The following ZNF791 variants were observed in gnomAD, a reference collection of about 807,000 sequenced individuals.
ZNF791 encodes zinc finger protein 791.
A neutral mutation model predicts 11.5 loss-of-function variants in ZNF791; 4 were observed. The observed-to-expected ratio is 0.35, with a 90% CI of 0.17 to 0.80. The LOEUF (loss-of-function observed/expected upper bound fraction) is 0.80, where lower values mean the gene tolerates loss of function less well. ZNF791 is among the 30% of genes least tolerant of loss of function. The probability of loss-of-function intolerance (pLI) is 0.53; values close to 1 mark genes in which losing one functional copy is unlikely to be tolerated. For missense variants in ZNF791, 559 were observed against 699.4 expected (o/e 0.80, Z 2.26); for synonymous variants, 212 against 228.1 (o/e 0.93, Z 0.64).
Position 12,629,070 on chromosome 19 carries a change from A to G in ZNF791, c.1541A>G (p.His514Arg). ...ATTTATCCCACAAGCTTTCAAGGACACATGAGAATGCATACTGGAGAGAAA... is the reference window on the plus strand; with the variant it reads ...ATTTATCCCACAAGCTTTCAAGGACGCATGAGAATGCATACTGGAGAGAAA... ...AFIYPTSFQG[H>R]MRMHTGEKPY... Residue 514 changes from histidine to arginine, a missense_variant, in exon 4 of 4, where the codon CAC (histidine) becomes CGC (arginine). His to Arg is a conservative substitution (Grantham distance 29). Transcript: ENST00000343325. 1 of 1,610,680 alleles carries G rather than the reference A, an allele frequency of 6.2e-7. No homozygotes were observed. The highest frequency in any genetic ancestry group is 8.5e-7 in the Non-Finnish European group (1 of 1,178,630).
At chr19:12,619,124 C>T (rs997707945) in intron 1 of ZNF791, among the ~76,000 whole-genome samples, 2 of 152,050 alleles carry the variant, frequency 1.3e-5, no homozygotes, top group South Asian at 2.1e-4. Flanking sequence ...GGATTACAGG[C>T]GTGAGCCACC....
intron 1 of ZNF791, among the ~76,000 whole-genome samples, chr19:12,618,932 C>A (rs1469928815): frequency 2.0e-5 from 3 of 151,210 alleles, no homozygotes; most frequent in Admixed American, 6.6e-5. Flanking sequence ...ACTGCAACCT[C>A]CGCCTCCTGG....
At chr19:12,612,862 G>C (rs983261883) in intron 1 of ZNF791, among the ~76,000 whole-genome samples, 9 of 148,602 alleles carry the variant, frequency 6.1e-5, no homozygotes, top group African/African-American at 2.2e-4. Flanking sequence ...GCCCAGGCTG[G>C]AGTGCAGTGG....
chr19:12,623,902 C>A lies in ZNF791; in HGVS notation c.130+76C>A, dbSNP rs1345742423. On this transcript the variant is annotated intron_variant, in intron 2 of 3. Transcript: ENST00000343325. ...GGACAGAGTTTCACTATTGTCCAGG[C>A]TGGAGAGCAATGGCACAATCTCAGC... The A allele has an allele frequency of 3.3e-6, 4 of 1,207,226 alleles. No individual in the cohort carries two copies. The East Asian group carries it at 1.0e-4, about 31-fold the overall frequency. The allele number at this position is 1,207,226 out of a possible 1,614,324, so 74.8% of individuals were successfully genotyped here.
At chr19:12,614,892 C>CGTTTTTTTT (rs1191586602) in intron 1 of ZNF791, among the ~76,000 whole-genome samples, 2 of 17,546 alleles carry the variant, frequency 1.1e-4, no homozygotes, top group Non-Finnish European at 2.6e-4. Context: ...TGCGTCCGGC[C>CGTTTTTTTT]TTTTTTTTTT....
chr19:12,614,892 C>CGTTTTTTT lies in ZNF791; in HGVS notation c.3+3810_3+3811insGTTTTTTT, dbSNP rs1191586602. 1.7e-4 allele frequency among the ~76,000 whole-genome samples: 3 copies of CGTTTTTTT among 17,548 alleles called. 1 individual carries two copies. The highest frequency in any genetic ancestry group is 3.9e-4 in the Non-Finnish European group (3 of 7,720). The allele number at this position is 17,548 out of a possible 152,430, so 11.5% of individuals were successfully genotyped here. On this transcript the variant is annotated intron_variant, in intron 1 of 3. Transcript: ENST00000343325. Reference sequence around the variant, plus strand: ...ACAGGTGTGAGCCACTGCGTCCGGCCTTTTTTTTTTTTTTTTTTTTTTTTT... The same window carrying CGTTTTTTT: ...ACAGGTGTGAGCCACTGCGTCCGGCCGTTTTTTTTTTTTTTTTTTTTTTTTTTTTTTTT...
At chr19:12,622,854 A>G (rs2023374846) in intron 1 of ZNF791, among the ~76,000 whole-genome samples, 1 of 149,016 alleles carries the variant, frequency 6.7e-6, no homozygotes, top group South Asian at 2.1e-4. Context: ...AGATCGCACC[A>G]CTGCACTCCT....
chr19:12,614,704 T>C (rs962428429), intron 1 of ZNF791, among the ~76,000 whole-genome samples: 2 of 150,866 alleles, frequency 1.3e-5, no homozygotes, highest in Non-Finnish European at 3.0e-5. Context: ...AAGCGATTCT[T>C]CTGCCTCAGC....
intron 1 of ZNF791, among the ~76,000 whole-genome samples, chr19:12,613,946 A>G (rs2023201035): frequency 1.3e-5 from 2 of 152,152 alleles, no homozygotes; most frequent in African/African-American, 4.8e-5. Flanking sequence ...CACTTCCGTA[A>G]TATAGGTGTA....
At chr19:12,611,456 C>G (rs1459517241) in intron 1 of ZNF791, among the ~76,000 whole-genome samples, 1 of 152,120 alleles carries the variant, frequency 6.6e-6, no homozygotes, top group African/African-American at 2.4e-5. Flanking sequence ...ACTACCCTGT[C>G]CCCCCAGCCT....
Position 12,629,065 on chromosome 19 carries a change from A to G in ZNF791, c.1536A>G (p.Gln512=), listed in dbSNP as rs2023467710. The change falls in exon 4 of 4, where the codon CAA becomes CAG. Residue 512 remains glutamine (Q), a synonymous_variant. Transcript: ENST00000343325. Reference sequence around the variant, plus strand: ...CCTTTATTTATCCCACAAGCTTTCAAGGACACATGAGAATGCATACTGGAG... The same window carrying G: ...CCTTTATTTATCCCACAAGCTTTCAGGGACACATGAGAATGCATACTGGAG... ...GKAFIYPTSF[Q]GHMRMHTGEK... is the part of the protein sequence containing the mutation. 1 of 1,610,586 alleles carries G rather than the reference A, an allele frequency of 6.2e-7. No homozygotes were observed. The highest frequency in any genetic ancestry group is 8.5e-7 in the Non-Finnish European group (1 of 1,178,746).
intron 1 of ZNF791, among the ~76,000 whole-genome samples, chr19:12,619,817 A>G (rs187734119): frequency 2.6e-5 from 4 of 151,248 alleles, no homozygotes; most frequent in Non-Finnish European, 1.5e-5. Context: ...TTTGACATTT[A>G]TATCCTCATT....
chr19:12,630,308 A>AACAAC lies in ZNF791; in HGVS notation c.*1048_*1049insACAAC, dbSNP rs2023487560. On this transcript the variant is annotated 3_prime_UTR_variant, in exon 4 of 4. Transcript: ENST00000343325. ...CCCTGTCTCCATTAGAAATACGAAA[A>AACAAC]TTAGCTGGGCGTTCTGGTGTGCCTG... 1 of 151,932 alleles carries AACAAC rather than the reference A, an allele frequency of 6.6e-6. No homozygotes were observed. The highest frequency in any genetic ancestry group is 6.6e-5 in the Admixed American group (1 of 15,222). 9.4% of individuals were successfully genotyped at this position (151,932 alleles called of 1,614,324 possible).
Position 12,629,198 on chromosome 19 carries a change from T to C in ZNF791, c.1669T>C (p.Cys557Arg). The C allele has an allele frequency of 6.4e-7, 1 of 1,569,822 alleles. No individual in the cohort carries two copies. Among genetic ancestry groups the C allele is most frequent in the Non-Finnish European group, 8.6e-7 (1 of 1,161,242 alleles). The change falls in exon 4 of 4, where the codon TGT becomes CGT. Residue 557 changes from cysteine to arginine, a missense_variant. Transcript: ENST00000343325. ...NYEKPLECKQ[C>R]GKAFSVSTSL... ...TGAGAAACCTCTTGAATGTAAGCAA[T>C]GTGGAAAAGCCTTCAGTGTGTCCAC...
Position 12,628,820 on chromosome 19 carries a change from A to C in ZNF791, c.1291A>C (p.Met431Leu), listed in dbSNP as rs756688308. The change falls in exon 4 of 4, where the codon ATG becomes CTG. Residue 431 changes from methionine (M) to leucine (L), a missense_variant. Transcript: ENST00000343325. ...TTCTCTTGAGAACTTTCGAAGACAC[A>C]TGATCACCCACACTGGAGACGGACC... Reference protein sequence around the residue: ...FISLENFRRHMITHTGDGPYK... With the variant: ...FISLENFRRHLITHTGDGPYK... 6.2e-7 allele frequency: 1 copy of C among 1,614,016 alleles called. No homozygotes were observed. The highest frequency in any genetic ancestry group is 8.5e-7 in the Non-Finnish European group (1 of 1,180,022).
At position 12,623,878 on chromosome 19, in the gene ZNF791, G is replaced by GA. The variant is rs2023390539; in HGVS notation, c.130+53dup. The GA allele has an allele frequency of 1.1e-5, 10 of 917,958 alleles. No homozygotes were observed. In the African/African-American group the frequency reaches 1.3e-4, roughly 12 times the overall value. 56.9% of individuals were successfully genotyped at this position (917,958 alleles called of 1,614,324 possible). A position where few individuals can be genotyped will look rare whatever the true frequency, so the allele number is the denominator to read the frequency against. On this transcript the variant is annotated intron_variant, in intron 2 of 3. Coordinates refer to ENST00000343325, the MANE Select transcript of ZNF791 (RefSeq NM_153358.3). ...TTCTTTTTTTTTTTTTTTGGGGGGG[G>GA]ACAGAGTTTCACTATTGTCCAGGCT...
At position 12,627,281 on chromosome 19, in the gene ZNF791, T is replaced by C. The variant is rs115362041; in HGVS notation, c.192-440T>C. Reference sequence around the variant, plus strand: ...TCTTGCAGAACATTGAGTATATTCGTTTTTAAACAAGTCAGACGGGGCAGA... The same window carrying C: ...TCTTGCAGAACATTGAGTATATTCGCTTTTAAACAAGTCAGACGGGGCAGA... On this transcript the variant is annotated intron_variant, in intron 3 of 3. Transcript: ENST00000343325. Among the ~76,000 whole-genome samples the C allele has an allele frequency of 2.3e-3, 352 of 152,242 alleles. 3 individuals are homozygous for C. Among genetic ancestry groups the C allele is most frequent in the African/African-American group, 8.2e-3 (340 of 41,554 alleles).
chr19:12,628,236 G>T lies in ZNF791; in HGVS notation c.707G>T (p.Arg236Ile). Residue 236 changes from arginine (R) to isoleucine (I), a missense_variant, in exon 4 of 4, where the codon AGA becomes ATA. Arg to Ile is a moderately conservative substitution (Grantham distance 97, BLOSUM62 -3). Transcript: ENST00000343325. ...SCSSSIRVHE[R>I]THTGEKPYAC... ...TCCAGTTCTATTCGAGTACACGAAAGAACTCACACTGGAGAGAAACCCTAT... is the reference window on the plus strand; with the variant it reads ...TCCAGTTCTATTCGAGTACACGAAATAACTCACACTGGAGAGAAACCCTAT... 1 of 1,613,808 alleles carries T rather than the reference G, an allele frequency of 6.2e-7. No homozygotes were observed. Among genetic ancestry groups the T allele is most frequent in the Middle Eastern group, 1.7e-4 (1 of 6,060 alleles).
chr19:12,628,745 C>A lies in ZNF791; in HGVS notation c.1216C>A (p.His406Asn). The A allele has an allele frequency of 6.2e-7, 1 of 1,603,332 alleles. No homozygotes were observed. The highest frequency in any genetic ancestry group is 8.5e-7 in the Non-Finnish European group (1 of 1,176,380). Residue 406 changes from histidine (H) to asparagine (N), a missense_variant, in exon 4 of 4, where the codon CAC becomes AAC. Transcript: ENST00000343325. ...PLDLKIHKRN[H>N]TGEKPYECKE... is the part of the protein sequence containing the mutation. ...AGATTTGAAAATCCACAAGAGAAAT[C>A]ACACTGGAGAAAAACCCTATGAGTG...
Sources: gnomAD v4.1 joint callset for allele counts (sites outside exome capture counted in the v4.1 genomes callset) on GRCh38, gnomAD v4.1.1 for gene constraint, MANE v1.5 for transcripts, NCBI Gene and HGNC (gene_info 2026-07-23, HGNC 2026-07-21) for gene names.